Variants in RGL3 observed in about 807,000 individuals in gnomAD.
The protein encoded by RGL3 is ral guanine nucleotide dissociation stimulator-like 3.
A neutral mutation model predicts 90.6 loss-of-function variants in RGL3; 85 were observed. That is an observed-to-expected ratio of 0.94 (90% CI 0.79 to 1.12). The LOEUF is 1.12. RGL3 is among the 50% of genes most tolerant of loss of function. The probability of loss-of-function intolerance (pLI) is 0.00; values close to 1 mark genes in which losing one functional copy is unlikely to be tolerated. For missense variants in RGL3, 1,034 were observed against 939.2 expected (o/e 1.10, Z -1.32); for synonymous variants, 408 against 385.5 (o/e 1.06, Z -0.68).
intron 18 of RGL3, 49 bp from the exon 19 acceptor site, chr19:11,394,569 A>G: frequency 7.0e-7 from 1 of 1,430,362 alleles, no homozygotes. Flanking sequence ...ACCTTGTGTC[A>G]CCCCCACAGA....
chr19:11,395,019 G>A (rs1044982998), intron 18 of RGL3, among the ~76,000 whole-genome samples: 22 of 151,658 alleles, frequency 1.5e-4, no homozygotes, highest in Admixed American at 2.6e-4. Flanking sequence ...CTTGAACCCA[G>A]GAGGTGGATG....
intron 9 of RGL3, among the ~76,000 whole-genome samples, chr19:11,404,589 A>G (rs1453188946): frequency 6.6e-6 from 1 of 152,114 alleles, no homozygotes; most frequent in Non-Finnish European, 1.5e-5. Flanking sequence ...ACAACAAAAA[A>G]CCAGATGTGT....
At chr19:11,415,590 C>T (rs977816274) in intron 5 of RGL3, among the ~76,000 whole-genome samples, 3 of 152,100 alleles carry the variant, frequency 2.0e-5, no homozygotes, top group Admixed American at 6.6e-5. Context: ...ATTCTCCTGC[C>T]TCAGCCTCCC....
chr19:11,413,453 T>C (rs1447512473), intron 5 of RGL3, among the ~76,000 whole-genome samples: 2 of 147,896 alleles, frequency 1.4e-5, no homozygotes, highest in African/African-American at 2.5e-5. Flanking sequence ...GAGAATCTTT[T>C]GAACCTGGGA....
chr19:11,396,278 C>T (rs1968571566), intron 18 of RGL3, among the ~76,000 whole-genome samples: 1 of 141,670 alleles, frequency 7.1e-6, no homozygotes, highest in Non-Finnish European at 1.5e-5. Flanking sequence ...AGCGATTCTT[C>T]TGCCTCAGCC....
chr19:11,405,459 G>GGCA, intron 7 of RGL3, 33 bp from the exon 8 acceptor site: 1 of 1,113,274 alleles, frequency 9.0e-7, no homozygotes, highest in Non-Finnish European at 1.2e-6. Flanking sequence ...GTCAGACCCA[G>GGCA]GCATTATCCA....
intron 2 of RGL3, among the ~76,000 whole-genome samples, chr19:11,418,010 T>C (rs1343727768): frequency 6.6e-6 from 1 of 152,040 alleles, no homozygotes. Context: ...TTTTTATTTT[T>C]ATTAGAGAGA....
Position 11,415,899 on chromosome 19 carries a change from G to T in RGL3, c.637+38C>A, listed in dbSNP as rs1232749365. ...GTGTGGGAAGAAGCAGACAGGAAAGGCCTTCTCAGAACACGACTGGATCTG... is the reference window on the plus strand; with the variant it reads ...GTGTGGGAAGAAGCAGACAGGAAAGTCCTTCTCAGAACACGACTGGATCTG... On this transcript the variant is annotated intron_variant, in intron 5 of 18. Transcript: ENST00000380456. 3.2e-6 allele frequency: 5 copies of T among 1,545,588 alleles called. No individual in the cohort carries two copies. The African/African-American group carries it at 5.6e-5, about 17-fold the overall frequency.
At position 11,405,339 on chromosome 19, in the gene RGL3, A is replaced by G. The variant is rs745892553; in HGVS notation, c.1084T>C (p.Trp362Arg). 1 of 1,613,306 alleles carries G rather than the reference A, an allele frequency of 6.2e-7. No individual in the cohort carries two copies. The highest frequency in any genetic ancestry group is 8.5e-7 in the Non-Finnish European group (1 of 1,179,722). ...SNPIYRLKRS[W>R]GAVSREPLST... ...CCAGCTCACCGGCTCACTGCCCCCC[A>G]GCTGCGCTTGAGCCGGTAGATGGGG... Residue 362 changes from tryptophan to arginine, a missense_variant, in exon 8 of 19, where the codon TGG (tryptophan) becomes CGG (arginine). Physicochemically the swap from Trp to Arg is moderately radical, Grantham distance 101. Transcript: ENST00000380456.
At chr19:11,404,575 A>C (rs1968735807) in intron 9 of RGL3, among the ~76,000 whole-genome samples, 1 of 152,112 alleles carries the variant, frequency 6.6e-6, no homozygotes. Context: ...CGACAACAAC[A>C]ACAACAACAA....
At position 11,397,373 on chromosome 19, in the gene RGL3, C is replaced by T. The variant is rs112575266; in HGVS notation, c.1900-15G>A. ...TGACTGGTCAGCTGGAAGAGAGGGG[C>T]GGGAGGTGAGGTGAGGGCCCCGGCC... On this transcript the variant is annotated splice_polypyrimidine_tract_variant and intron_variant, in intron 17 of 18. Coordinates refer to ENST00000380456, the MANE Select transcript of RGL3 (RefSeq NM_001035223.4). The T allele has an allele frequency of 4.3e-4, 678 of 1,592,748 alleles. 3 individuals carry two copies. In the African/African-American group the frequency reaches 8.1e-3, roughly 19 times the overall value.
intron 13 of RGL3, 59 bp downstream of exon 13, chr19:11,401,952 T>A (rs1968682710): frequency 1.3e-6 from 2 of 1,504,154 alleles, no homozygotes; most frequent in Non-Finnish European, 1.8e-6. Context: ...GTGGGTGGAA[T>A]CCAGTTGGTG....
intron 18 of RGL3, among the ~76,000 whole-genome samples, chr19:11,395,800 T>G (rs1307932672): frequency 6.6e-6 from 1 of 151,652 alleles, no homozygotes. Flanking sequence ...GCTAATTTTT[T>G]GTATTTTTAG....
rs57862666 is a variant in RGL3 at position 11,414,490 on chromosome 19, CATATATATATATATATATATATAT to C, written c.637+1423_637+1446del. ...ATATATATATATATATATACACCTT[CATATATATATATATATATATATAT>C]ATATATATATATATACCTTTATATA... is the stretch of plus-strand genomic sequence containing the variant. On this transcript the variant is annotated intron_variant, in intron 5 of 18. Coordinates refer to ENST00000380456, the MANE Select transcript of RGL3 (RefSeq NM_001035223.4). 2.9e-4 allele frequency among the ~76,000 whole-genome samples: 8 copies of C among 27,868 alleles called. 1 individual carries two copies. The South Asian group carries it at 3.3e-3, about 12-fold the overall frequency. The allele number at this position is 27,868 out of a possible 152,430, so 18.3% of individuals were successfully genotyped here. A position where few individuals can be genotyped will look rare whatever the true frequency, so the allele number is the denominator to read the frequency against.
At chr19:11,408,612 A>G (rs577876805) in intron 5 of RGL3, among the ~76,000 whole-genome samples, 4 of 151,768 alleles carry the variant, frequency 2.6e-5, no homozygotes, top group Non-Finnish European at 5.9e-5. Context: ...TCATGCTACC[A>G]GACTGCTATA....
intron 18 of RGL3, 132 bp from the exon 19 acceptor site, chr19:11,394,652 C>A: frequency 1.5e-6 from 1 of 672,062 alleles, no homozygotes; most frequent in Non-Finnish European, 2.7e-6. Context: ...ACTGCCAAGC[C>A]AAGCTCATTC....
intron 5 of RGL3, among the ~76,000 whole-genome samples, chr19:11,408,554 C>G (rs1968821285): frequency 6.6e-6 from 1 of 151,518 alleles, no homozygotes; most frequent in Non-Finnish European, 1.5e-5. Flanking sequence ...TCACTGCACT[C>G]CAGCCTGGCG....
At position 11,405,141 on chromosome 19, in the gene RGL3, C is replaced by A; in HGVS notation, c.1185+6G>T. Reference sequence around the variant, plus strand: ...TAAAATCCCTGGAGTCTGCATCCATCTCTACCTGGAAAAGAATCTCTCTGC... The same window carrying A: ...TAAAATCCCTGGAGTCTGCATCCATATCTACCTGGAAAAGAATCTCTCTGC... On this transcript the variant is annotated splice_donor_region_variant and intron_variant, in intron 9 of 18. Transcript: ENST00000380456. 6.2e-7 allele frequency: 1 copy of A among 1,613,562 alleles called. No individual in the cohort carries two copies.
intron 9 of RGL3, among the ~76,000 whole-genome samples, chr19:11,403,388 C>T (rs1968715085): frequency 6.7e-6 from 1 of 148,630 alleles, no homozygotes; most frequent in African/African-American, 2.4e-5. Flanking sequence ...CCTGTAATCC[C>T]AGCACTTTGG....
Sources: allele counts gnomAD v4.1 joint callset (sites outside exome capture counted in the v4.1 genomes callset), GRCh38; gene constraint gnomAD v4.1.1; transcripts MANE v1.5; gene names NCBI Gene and HGNC (gene_info 2026-07-23, HGNC 2026-07-21).